IFT74: variants seen among roughly 807,000 people sequenced by gnomAD.
The protein encoded by IFT74 is intraflagellar transport protein 74 homolog.
In IFT74, 92 loss-of-function variants were observed where a neutral mutation model predicts 96.7. The observed-to-expected ratio is 0.95, with a 90% CI of 0.80 to 1.13. The LOEUF is 1.13. IFT74 is among the 50% of genes most tolerant of loss of function. The pLI is 0.00. For synonymous variants in IFT74, 223 were observed against 213.2 expected (o/e 1.05, Z -0.40); for missense variants, 811 against 698.2 (o/e 1.16, Z -1.82).
chr9:27,003,394 G>T (rs1414362718), intron 8 of IFT74, among the ~76,000 whole-genome samples: 1 of 151,910 alleles, frequency 6.6e-6, no homozygotes, highest in Non-Finnish European at 1.5e-5. Context: ...GCAGTGGCAG[G>T]CACCTGTAAT....
rs55784401 is a variant in IFT74, at chr9:27,009,241, C to T, written c.726+83C>T. 0.062 allele frequency: 77,670 copies of T among 1,248,840 alleles called. 3,068 individuals are homozygous for T. The highest frequency in any genetic ancestry group is 0.073 in the Non-Finnish European group (65,012 of 887,798). 77.4% of individuals were successfully genotyped at this position (1,248,840 alleles called of 1,614,324 possible). A position where few individuals can be genotyped will look rare whatever the true frequency, so the allele number is the denominator to read the frequency against. The stretch of plus-strand genomic sequence containing the variant: ...GTTTGAATATCAGCAGCATCAGCAT[C>T]CCCTGAGAACTTGACTATACTTTGA... On this transcript the variant is annotated intron_variant, in intron 9 of 19. Transcript: ENST00000380062.
At position 27,044,685 on chromosome 9, in the gene IFT74, T is replaced by G. The variant is rs1334035856; in HGVS notation, c.1055-57T>G. On this transcript the variant is annotated intron_variant, in intron 13 of 19. Coordinates refer to ENST00000380062, the MANE Select transcript of IFT74 (RefSeq NM_025103.4). ...AGAGAACCAAAGAGAGATTTTTAAT[T>G]TAGAGCCCTGTATGTGCAATTTTTG... 7.2e-6 allele frequency: 7 copies of G among 968,148 alleles called. No homozygotes were observed. In the Admixed American group the frequency reaches 1.3e-4, roughly 18 times the overall value. The allele number at this position is 968,148 out of a possible 1,614,324, so 60.0% of individuals were successfully genotyped here.
chr9:27,011,819 AT>A (rs375060551), intron 9 of IFT74, 86 bp from the exon 10 acceptor site: 87 of 707,350 alleles, frequency 1.2e-4, no homozygotes, highest in African/African-American at 3.2e-4. Context: ...AGAGAAATAA[AT>A]TTTTTTTCCC....
intron 9 of IFT74, among the ~76,000 whole-genome samples, chr9:27,011,166 T>TG (rs1370399352): frequency 1.3e-5 from 2 of 152,128 alleles, no homozygotes; most frequent in Non-Finnish European, 2.9e-5. Context: ...GGCAGGTACT[T>TG]GGTTGATCCC....
intron 2 of IFT74, among the ~76,000 whole-genome samples, 187 bp downstream of exon 2, chr9:26,962,274 G>T (rs1451592557): frequency 6.6e-6 from 1 of 152,150 alleles, no homozygotes; most frequent in African/African-American, 2.4e-5. Context: ...AATCCCCTCT[G>T]TAATAAGAGA....
At chr9:27,044,480 CATGT>C (rs1248245830) in intron 13 of IFT74, among the ~76,000 whole-genome samples, 1 of 152,128 alleles carries the variant, frequency 6.6e-6, no homozygotes, top group Non-Finnish European at 1.5e-5. Flanking sequence ...CCATAGTGTT[CATGT>C]ATAGGTTGAA....
intron 8 of IFT74, among the ~76,000 whole-genome samples, chr9:27,001,416 C>T (rs1236647514): frequency 1.3e-5 from 2 of 152,154 alleles, no homozygotes; most frequent in Non-Finnish European, 2.9e-5. Context: ...TACTAATTTA[C>T]ATTCCCAAGA....
chr9:27,013,050 G>A lies in IFT74; in HGVS notation c.789+1082G>A, dbSNP rs187573218. Among the ~76,000 whole-genome samples the A allele has an allele frequency of 4.6e-5, 7 of 152,208 alleles. No individual in the cohort carries two copies. In the East Asian group the frequency reaches 1.4e-3, roughly 29 times the overall value. On this transcript the variant is annotated intron_variant, in intron 10 of 19. Coordinates refer to ENST00000380062, the MANE Select transcript of IFT74 (RefSeq NM_025103.4). The stretch of plus-strand genomic sequence containing the variant: ...TGTTTTGTGTCCTTCTTTCCAGATA[G>A]AACTACTGGAAAGACATTTATCAAG...
intron 12 of IFT74, among the ~76,000 whole-genome samples, chr9:27,024,702 G>A (rs745527223): frequency 1.3e-5 from 2 of 151,982 alleles, no homozygotes; most frequent in Non-Finnish European, 2.9e-5. Context: ...CAGAAGGTCA[G>A]TTATTAAGTT....
At chr9:26,971,100 C>A (rs1453340791) in intron 2 of IFT74, among the ~76,000 whole-genome samples, 1 of 152,144 alleles carries the variant, frequency 6.6e-6, no homozygotes, top group Non-Finnish European at 1.5e-5. Flanking sequence ...TCAATTAATG[C>A]CTTTATAACT....
rs377104495 is a variant in IFT74 at position 26,978,083 on chromosome 9, T to C, written c.121-45T>C. 18 of 1,516,288 alleles carry C rather than the reference T, an allele frequency of 1.2e-5. No homozygotes were observed. The African/African-American group carries it at 2.4e-4, about 20-fold the overall frequency. 93.9% of individuals were successfully genotyped at this position (1,516,288 alleles called of 1,614,324 possible). Reference sequence around the variant, plus strand: ...CAGTTTTACAATAAAAGATGTACAGTGTTTTTTCTGGTTTACTAAAAATGA... The same window carrying C: ...CAGTTTTACAATAAAAGATGTACAGCGTTTTTTCTGGTTTACTAAAAATGA... On this transcript the variant is annotated intron_variant, in intron 2 of 19. Transcript: ENST00000380062.
In IFT74 at chr9:27,063,527, G is replaced by A. The variant is rs909853361; in HGVS notation, c.*791G>A. On this transcript the variant is annotated 3_prime_UTR_variant, in exon 20 of 20. Transcript: ENST00000380062. ...CTAGAAGAGGTAGGATTGGGAGAGA[G>A]GCATAGAGTCTGGAAGACATTATAT... Among the ~76,000 whole-genome samples the A allele has an allele frequency of 4.5e-4, 68 of 152,050 alleles. No individual in the cohort carries two copies. The highest frequency in any genetic ancestry group is 1.4e-3 in the African/African-American group (57 of 41,424).
At chr9:26,950,007 C>T (rs891363490) in intron 1 of IFT74, among the ~76,000 whole-genome samples, 7 of 151,654 alleles carry the variant, frequency 4.6e-5, no homozygotes, top group Admixed American at 2.6e-4. Flanking sequence ...GGGCAGGAGG[C>T]TCTATAGAAA....
At chr9:26,957,196 A>G (rs774167381) in intron 1 of IFT74, among the ~76,000 whole-genome samples, 2 of 152,196 alleles carry the variant, frequency 1.3e-5, no homozygotes, top group Non-Finnish European at 2.9e-5. Context: ...ATTTGTTGCT[A>G]ATGCCCGCCT....
chr9:27,052,463 G>A (rs916286147), intron 16 of IFT74, among the ~76,000 whole-genome samples: 12 of 145,706 alleles, frequency 8.2e-5, no homozygotes, highest in African/African-American at 1.8e-4. Context: ...AGCCGAGATC[G>A]CGCCATTGCA....
chr9:26,996,493 T>C, intron 8 of IFT74: 1 of 1,436,672 alleles, frequency 7.0e-7, no homozygotes, highest in South Asian at 1.7e-5. Context: ...GGTGATGTTC[T>C]CATTTTCTAG....
At chr9:27,021,005 A>G (rs1587366697) in intron 12 of IFT74, among the ~76,000 whole-genome samples, 1 of 152,254 alleles carries the variant, frequency 6.6e-6, no homozygotes, top group East Asian at 1.9e-4. Context: ...TCCCACTTAT[A>G]AATGAGAACA....
rs1044708611 is a variant in IFT74 at position 27,060,614 on chromosome 9, G to C, written c.1647G>C (p.Trp549Cys). 6.3e-7 allele frequency: 1 copy of C among 1,593,286 alleles called. No individual in the cohort carries two copies. Among genetic ancestry groups the C allele is most frequent in the Non-Finnish European group, 8.6e-7 (1 of 1,167,380 alleles). ...HSQLTNLERKWQHLEQNNFAM... is the reference protein window; with the variant it reads ...HSQLTNLERKCQHLEQNNFAM... Reference sequence around the variant, plus strand: ...AGCTTACAAATTTGGAGAGAAAGTGGCAACACCTTGAGCAAAATAATTTTG... The same window carrying C: ...AGCTTACAAATTTGGAGAGAAAGTGCCAACACCTTGAGCAAAATAATTTTG... Residue 549 changes from tryptophan (W) to cysteine (C), a missense_variant, in exon 19 of 20, where the codon TGG becomes TGC. Transcript: ENST00000380062.
intron 1 of IFT74, chr9:26,947,240 C>A (rs930910232): frequency 2.4e-5 from 14 of 586,346 alleles, no homozygotes; most frequent in Non-Finnish European, 2.6e-5. Flanking sequence ...ACACAGCAAG[C>A]CTGACAGGCA....
Sources: allele counts gnomAD v4.1 joint callset (sites outside exome capture counted in the v4.1 genomes callset), GRCh38; gene constraint gnomAD v4.1.1; transcripts MANE v1.5; gene names NCBI Gene and HGNC (gene_info 2026-07-23, HGNC 2026-07-21).